Variants in SLC9C1 observed in about 807,000 individuals in gnomAD.
SLC9C1 encodes the protein solute carrier family 9 member C1, also known as sodium/hydrogen exchanger 10.
SLC9C1 carries 97 observed loss-of-function variants against 140.9 expected under a neutral mutation model. The observed-to-expected ratio is 0.69, with a 90% CI of 0.58 to 0.82. The LOEUF (loss-of-function observed/expected upper bound fraction) is 0.82. Among genes scored for constraint, SLC9C1 ranks in the 40% least tolerant of loss-of-function variants. The pLI, the probability that SLC9C1 is intolerant of heterozygous loss-of-function variation, is 0.00. For missense variants in SLC9C1, 1,340 were observed against 1,389.3 expected (o/e 0.96, Z 0.56); for synonymous variants, 440 against 442.6 (o/e 0.99, Z 0.07).
chr3:112,181,031 C>T (rs949447246), intron 21 of SLC9C1, among the ~76,000 whole-genome samples: 2 of 152,210 alleles, frequency 1.3e-5, no homozygotes, highest in Admixed American at 1.3e-4. Flanking sequence ...GCTTGGATTA[C>T]AGGCGTGAGC....
intron 20 of SLC9C1, among the ~76,000 whole-genome samples, chr3:112,193,116 CAA>C (rs2077698313): frequency 6.6e-6 from 1 of 152,144 alleles, no homozygotes; most frequent in Admixed American, 6.5e-5. Context: ...GTGAATTTTG[CAA>C]GTGTTTCAGT....
At chr3:112,222,684 CTT>C (rs1273064421) in intron 13 of SLC9C1, among the ~76,000 whole-genome samples, 2 of 151,924 alleles carry the variant, frequency 1.3e-5, no homozygotes, top group Non-Finnish European at 2.9e-5. Flanking sequence ...ATGAAGTTTC[CTT>C]CATTTATTTT....
chr3:112,152,371 C>T (rs149779943), intron 27 of SLC9C1, among the ~76,000 whole-genome samples: 394 of 152,194 alleles, frequency 2.6e-3, no homozygotes, highest in Non-Finnish European at 4.3e-3. Flanking sequence ...ACAAACATCT[C>T]GGTGCAGTAA....
At chr3:112,233,219 C>G (rs2078881764) in intron 12 of SLC9C1, among the ~76,000 whole-genome samples, 3 of 151,862 alleles carry the variant, frequency 2.0e-5, no homozygotes, top group Admixed American at 1.3e-4. Context: ...CAGATGCACA[C>G]CACCACCCAA....
At chr3:112,195,407 C>T (rs2077748647) in intron 20 of SLC9C1, among the ~76,000 whole-genome samples, 1 of 152,078 alleles carries the variant, frequency 6.6e-6, no homozygotes, top group Non-Finnish European at 1.5e-5. Flanking sequence ...TTCTGCCAAT[C>T]TCTGTCTTTG....
At chr3:112,293,543 T>C (rs2080751127) in intron 1 of SLC9C1, among the ~76,000 whole-genome samples, 1 of 152,170 alleles carries the variant, frequency 6.6e-6, no homozygotes, top group Admixed American at 6.5e-5. Context: ...GGGATCTCAG[T>C]AATCTTCACA....
At chr3:112,252,169 A>C (rs1041839284) in intron 10 of SLC9C1, among the ~76,000 whole-genome samples, 1 of 152,102 alleles carries the variant, frequency 6.6e-6, no homozygotes, top group Non-Finnish European at 1.5e-5. Flanking sequence ...ACACAGCCTT[A>C]GCCATTGTTG....
At chr3:112,272,901 A>G (rs1158986504) in intron 6 of SLC9C1, among the ~76,000 whole-genome samples, 1 of 152,128 alleles carries the variant, frequency 6.6e-6, no homozygotes, top group African/African-American at 2.4e-5. Context: ...AAATGAATGA[A>G]CTTCCACATC....
intron 7 of SLC9C1, among the ~76,000 whole-genome samples, chr3:112,268,458 T>A (rs2079982574): frequency 6.6e-6 from 1 of 152,222 alleles, no homozygotes. Context: ...TAATTTTCTA[T>A]GTTTAGGTCC....
At chr3:112,155,725 T>C (rs985697375) in intron 26 of SLC9C1, among the ~76,000 whole-genome samples, 2 of 152,166 alleles carry the variant, frequency 1.3e-5, no homozygotes, top group African/African-American at 4.8e-5. Flanking sequence ...TGTAGTTTGG[T>C]ATGGCTAGGT....
At chr3:112,176,918 C>T (rs1231490200) in intron 23 of SLC9C1, among the ~76,000 whole-genome samples, 1 of 151,894 alleles carries the variant, frequency 6.6e-6, no homozygotes, top group Non-Finnish European at 1.5e-5. Flanking sequence ...TCTGGTCTCT[C>T]AGCTGTGGGC....
chr3:112,215,264 C>G (rs1223639522), intron 15 of SLC9C1, among the ~76,000 whole-genome samples: 1 of 152,138 alleles, frequency 6.6e-6, no homozygotes, highest in African/African-American at 2.4e-5. Context: ...ACTGAATGGG[C>G]AAAAACTGAA....
At chr3:112,293,750 T>C (rs1377233186) in intron 1 of SLC9C1, among the ~76,000 whole-genome samples, 1 of 152,160 alleles carries the variant, frequency 6.6e-6, no homozygotes, top group African/African-American at 2.4e-5. Context: ...CCTGAGGCGA[T>C]TCCCTGAACC....
At chr3:112,254,806 T>C (rs1405231429) in intron 10 of SLC9C1, among the ~76,000 whole-genome samples, 1 of 151,946 alleles carries the variant, frequency 6.6e-6, no homozygotes, top group Non-Finnish European at 1.5e-5. Context: ...GCAAGCTGGA[T>C]AAAGAACCAA....
At chr3:112,144,297 C>CCT (rs1289325924) in intron 28 of SLC9C1, among the ~76,000 whole-genome samples, 2 of 151,378 alleles carry the variant, frequency 1.3e-5, no homozygotes, top group Non-Finnish European at 2.9e-5. Context: ...CCTGCCTCAG[C>CCT]CTCTTGAGTA....
chr3:112,203,928 G>A (rs1292701007), intron 17 of SLC9C1, among the ~76,000 whole-genome samples: 4 of 151,798 alleles, frequency 2.6e-5, no homozygotes, highest in Non-Finnish European at 4.4e-5. Flanking sequence ...TTACATGGAG[G>A]TTAACTTACA....
chr3:112,177,244 T>G (rs371228357), intron 23 of SLC9C1, among the ~76,000 whole-genome samples: 22 of 152,036 alleles, frequency 1.4e-4, no homozygotes, highest in African/African-American at 5.1e-4. Context: ...TGACCTCAGG[T>G]GATCCACCAG....
intron 15 of SLC9C1, among the ~76,000 whole-genome samples, chr3:112,213,847 A>C (rs2078278576): frequency 6.6e-6 from 1 of 152,216 alleles, no homozygotes; most frequent in South Asian, 2.1e-4. Flanking sequence ...TCAGCTCTGC[A>C]CCAAGCACAC....
intron 2 of SLC9C1, among the ~76,000 whole-genome samples, 177 bp downstream of exon 2, chr3:112,286,527 C>A (rs552984015): frequency 6.6e-6 from 1 of 152,150 alleles, no homozygotes. Context: ...AGATTCTACA[C>A]GTCTCTCCAT....
Sources: gnomAD v4.1 joint callset for allele counts (sites outside exome capture counted in the v4.1 genomes callset) on GRCh38, gnomAD v4.1.1 for gene constraint, MANE v1.5 for transcripts, NCBI Gene and HGNC (gene_info 2026-07-23, HGNC 2026-07-21) for gene names.